Variants in FMNL2 observed in about 807,000 individuals in gnomAD.
The protein encoded by FMNL2 is formin like 2, also known as formin-like protein 2.
In FMNL2, 51 loss-of-function variants were observed where a neutral mutation model predicts 130.2. The ratio of observed to expected loss-of-function variants is 0.39; its 90% confidence interval spans 0.31 to 0.49. The LOEUF (loss-of-function observed/expected upper bound fraction) is 0.49, where lower values mean the gene tolerates loss of function less well. Ranked by LOEUF, FMNL2 falls within the 20% of genes least tolerant of loss-of-function variation. The pLI, the probability that FMNL2 is intolerant of heterozygous loss-of-function variation, is 0.85. For missense variants in FMNL2, 977 were observed against 1,316.2 expected, an observed-to-expected ratio of 0.74 and a Z score of 3.99; for synonymous variants, 465 against 467.1, an observed-to-expected ratio of 1.00 and a Z score of 0.06.
chr2:152,393,849 T>C (rs1026063313), intron 1 of FMNL2, among the ~76,000 whole-genome samples: 1 of 152,200 alleles, frequency 6.6e-6, no homozygotes, highest in African/African-American at 2.4e-5. Flanking sequence ...CCTTAGACAA[T>C]AGGCAACTAA....
Position 152,441,507 on chromosome 2 carries a change from G to A in FMNL2, c.118-80436G>A, listed in dbSNP as rs148552728. ...GCTATAATCATGCCACTGCACTCCA[G>A]CCTGGGTGACACAGAGCAAGACCCT... On this transcript the variant is annotated intron_variant, in intron 1 of 25. Transcript: ENST00000288670. Among the ~76,000 whole-genome samples, 230 of 152,188 alleles carry A rather than the reference G, an allele frequency of 1.5e-3. 1 individual carries two copies. Among genetic ancestry groups the A allele is most frequent in the African/African-American group, 5.4e-3 (226 of 41,524 alleles).
intron 9 of FMNL2, among the ~76,000 whole-genome samples, chr2:152,595,019 A>G (rs556472402): frequency 6.6e-5 from 10 of 152,136 alleles, no homozygotes; most frequent in Non-Finnish European, 1.2e-4. Context: ...ATGGCCAGTC[A>G]TGGTAACATG....
Position 152,619,547 on chromosome 2 carries a change from C to CCGT in FMNL2, c.1668_1669insTCG (p.Pro556_Pro557insSer). 1 of 1,394,996 alleles carries CCGT rather than the reference C, an allele frequency of 7.2e-7. No homozygotes were observed. Among genetic ancestry groups the CCGT allele is most frequent in the Non-Finnish European group, 9.3e-7 (1 of 1,075,938 alleles). The allele number at this position is 1,394,996 out of a possible 1,614,324, so 86.4% of individuals were successfully genotyped here. ...AGTAACACCACCTATGCCACCGCCG[C>CCGT]CGCCGCCCCCTCCTCCACCTCCTCC... On this transcript the variant is annotated inframe_insertion, in exon 15 of 26. Coordinates refer to ENST00000288670, the MANE Select transcript of FMNL2 (RefSeq NM_052905.4).
chr2:152,339,410 G>A (rs1314306360), intron 1 of FMNL2, among the ~76,000 whole-genome samples: 1 of 152,172 alleles, frequency 6.6e-6, no homozygotes, highest in Non-Finnish European at 1.5e-5. Flanking sequence ...GATGGTTTTT[G>A]TCCGAGAATA....
chr2:152,360,739 C>T (rs1031977330), intron 1 of FMNL2, among the ~76,000 whole-genome samples: 1 of 152,132 alleles, frequency 6.6e-6, no homozygotes, highest in African/African-American at 2.4e-5. Context: ...ATTGCATTTT[C>T]TATACCATTC....
chr2:152,428,568 A>G (rs894455773), intron 1 of FMNL2, among the ~76,000 whole-genome samples: 3 of 152,204 alleles, frequency 2.0e-5, no homozygotes, highest in Non-Finnish European at 4.4e-5. Flanking sequence ...TGCATCAAAT[A>G]TATGGTAGAT....
At chr2:152,628,752 C>T (rs544588851) in intron 18 of FMNL2, among the ~76,000 whole-genome samples, 15 of 152,196 alleles carry the variant, frequency 9.9e-5, no homozygotes, top group South Asian at 2.1e-4. Context: ...GCCATTCTTC[C>T]GAAAGAATGC....
intron 25 of FMNL2, among the ~76,000 whole-genome samples, chr2:152,641,699 T>C (rs973493736): frequency 6.6e-6 from 1 of 152,200 alleles, no homozygotes; most frequent in African/African-American, 2.4e-5. Flanking sequence ...ATGGCCAATC[T>C]TGTTACATGT....
chr2:152,558,694 A>T (rs1439419959), intron 4 of FMNL2, 46 bp from the exon 5 acceptor site: 3 of 1,530,772 alleles, frequency 2.0e-6, no homozygotes, highest in Non-Finnish European at 1.8e-6. Context: ...ATGGCAGGTC[A>T]TGTGATCAAT....
At chr2:152,470,815 A>AATG (rs1689820361) in intron 1 of FMNL2, among the ~76,000 whole-genome samples, 5 of 152,238 alleles carry the variant, frequency 3.3e-5, no homozygotes, top group African/African-American at 1.2e-4. Context: ...TGAGAGACCT[A>AATG]AGAGCTCAGT....
chr2:152,380,836 T>C (rs1257893417), intron 1 of FMNL2, among the ~76,000 whole-genome samples: 1 of 152,214 alleles, frequency 6.6e-6, no homozygotes, highest in Non-Finnish European at 1.5e-5. Context: ...AAGACCGTTC[T>C]AGTTTAAGAG....
intron 1 of FMNL2, among the ~76,000 whole-genome samples, chr2:152,389,739 C>T (rs903630093): frequency 2.6e-5 from 4 of 152,142 alleles, no homozygotes; most frequent in African/African-American, 9.7e-5. Context: ...CTCAGCAGCA[C>T]GAGGGCGGCG....
intron 1 of FMNL2, among the ~76,000 whole-genome samples, chr2:152,520,017 A>G (rs1001308610): frequency 3.9e-5 from 6 of 152,218 alleles, no homozygotes; most frequent in Admixed American, 6.5e-5. Flanking sequence ...ATTTACCAGT[A>G]AATAACATTA....
At chr2:152,578,598 T>C (rs1180833125) in intron 7 of FMNL2, 2 of 198,580 alleles carry the variant, frequency 1.0e-5, no homozygotes, top group African/African-American at 4.7e-5. Context: ...TTTTTTTTTT[T>C]TTTTTTTTGA....
intron 1 of FMNL2, among the ~76,000 whole-genome samples, chr2:152,502,455 G>A (rs902402166): frequency 2.0e-5 from 3 of 152,230 alleles, no homozygotes; most frequent in Admixed American, 6.5e-5. Context: ...GGGAGGCCAA[G>A]GTGGGTGGAT....
intron 1 of FMNL2, among the ~76,000 whole-genome samples, chr2:152,504,082 G>A (rs1480407717): frequency 1.3e-5 from 2 of 152,134 alleles, no homozygotes; most frequent in South Asian, 2.1e-4. Flanking sequence ...TCCCAGCTAC[G>A]CGGGAGGTTG....
chr2:152,489,089 T>A (rs2105272881), intron 1 of FMNL2, among the ~76,000 whole-genome samples: 2 of 152,266 alleles, frequency 1.3e-5, no homozygotes, highest in South Asian at 4.1e-4. Context: ...GTGCAAAGGA[T>A]GCCTGTGGAA....
intron 3 of FMNL2, among the ~76,000 whole-genome samples, chr2:152,548,418 G>A (rs1694763667): frequency 6.6e-6 from 1 of 152,148 alleles, no homozygotes; most frequent in African/African-American, 2.4e-5. Context: ...TATGCTGAAT[G>A]CCTCTTTTCC....
intron 1 of FMNL2, among the ~76,000 whole-genome samples, chr2:152,448,821 A>G (rs1345635955): frequency 2.6e-5 from 4 of 152,228 alleles, no homozygotes; most frequent in Non-Finnish European, 5.9e-5. Flanking sequence ...TAAGACGTTT[A>G]AGCTTTCCCT....
Sources: allele counts gnomAD v4.1 joint callset (sites outside exome capture counted in the v4.1 genomes callset), GRCh38; gene constraint gnomAD v4.1.1; transcripts MANE v1.5; gene names NCBI Gene and HGNC (gene_info 2026-07-23, HGNC 2026-07-21).